The following GRK5 variants were observed in gnomAD, a reference collection of about 807,000 sequenced individuals.
GRK5 encodes g protein-coupled receptor kinase GRK5.
A neutral mutation model predicts 78.4 loss-of-function variants in GRK5; 40 were observed. The observed-to-expected ratio is 0.51, with a 90% CI of 0.40 to 0.66. GRK5 has a LOEUF of 0.66. Ranked by LOEUF, GRK5 falls within the 30% of genes least tolerant of loss-of-function variation. GRK5 has a pLI of 0.00. For missense variants in GRK5, 598 were observed against 759.9 expected (o/e 0.79, Z 2.50); for synonymous variants, 289 against 296.8 (o/e 0.97, Z 0.27).
At chr10:119,397,476 G>A (rs10886474) in intron 4 of GRK5, among the ~76,000 whole-genome samples, 123,746 of 152,144 alleles carry the variant, frequency 0.81, 50,604 homozygotes, top group South Asian at 0.86. Flanking sequence ...TTTCTTAAAA[G>A]TGGCCTTCCT....
intron 1 of GRK5, among the ~76,000 whole-genome samples, chr10:119,232,875 A>T (rs528021510): frequency 6.6e-6 from 1 of 152,260 alleles, no homozygotes; most frequent in Admixed American, 6.5e-5. Context: ...GAGATGACAG[A>T]TATGCTAATT....
At chr10:119,432,789 G>A (rs1198033237) in intron 8 of GRK5, among the ~76,000 whole-genome samples, 1 of 152,244 alleles carries the variant, frequency 6.6e-6, no homozygotes, top group East Asian at 1.9e-4. Context: ...ACCACTACAG[G>A]GCCGGGCACG....
intron 1 of GRK5, among the ~76,000 whole-genome samples, chr10:119,223,359 T>C (rs1036023139): frequency 2.0e-5 from 3 of 152,198 alleles, no homozygotes; most frequent in Admixed American, 2.0e-4. Flanking sequence ...GACTTCAACA[T>C]AATCTTCTTT....
At chr10:119,216,416 C>T (rs779468377) in intron 1 of GRK5, among the ~76,000 whole-genome samples, 37 of 152,346 alleles carry the variant, frequency 2.4e-4, no homozygotes, top group Non-Finnish European at 4.4e-4. Flanking sequence ...ACTGGTGCCT[C>T]GGCTTCCCTG....
chr10:119,250,517 A>T (rs1002290032), intron 1 of GRK5, among the ~76,000 whole-genome samples: 126 of 136,040 alleles, frequency 9.3e-4, no homozygotes, highest in African/African-American at 2.9e-3. Context: ...CCTCATTTAA[A>T]TTTTTTTTTT....
intron 1 of GRK5, among the ~76,000 whole-genome samples, chr10:119,279,634 G>A (rs1482886265): frequency 2.0e-5 from 3 of 152,244 alleles, no homozygotes; most frequent in Non-Finnish European, 2.9e-5. Context: ...GGAGTGAGTG[G>A]CGGTGGCCTG....
chr10:119,384,003 C>T (rs553942016), intron 3 of GRK5, among the ~76,000 whole-genome samples: 9 of 152,264 alleles, frequency 5.9e-5, no homozygotes, highest in African/African-American at 1.2e-4. Flanking sequence ...GTCCAGGTTC[C>T]GAGGCTGACT....
intron 1 of GRK5, among the ~76,000 whole-genome samples, chr10:119,304,509 C>G (rs928437132): frequency 6.6e-6 from 1 of 152,042 alleles, no homozygotes; most frequent in African/African-American, 2.4e-5. Flanking sequence ...TGTGCATTTC[C>G]CCGTCATTCC....
chr10:119,221,737 A>C (rs1319904758), intron 1 of GRK5, among the ~76,000 whole-genome samples: 1 of 152,144 alleles, frequency 6.6e-6, no homozygotes, highest in Non-Finnish European at 1.5e-5. Context: ...CTTTGGGAAG[A>C]ATCATAATAA....
At chr10:119,296,087 G>A (rs1023595452) in intron 1 of GRK5, among the ~76,000 whole-genome samples, 3 of 152,178 alleles carry the variant, frequency 2.0e-5, no homozygotes, top group Non-Finnish European at 4.4e-5. Flanking sequence ...GCCCCAGGAC[G>A]AGCTTGGCAG....
At chr10:119,366,216 C>T (rs373179967) in intron 2 of GRK5, among the ~76,000 whole-genome samples, 18 of 152,306 alleles carry the variant, frequency 1.2e-4, no homozygotes, top group Admixed American at 6.5e-4. Context: ...TAAGGAGCAA[C>T]GGATTTGTTT....
intron 1 of GRK5, among the ~76,000 whole-genome samples, chr10:119,313,052 AATGATGATGGTGG>A (rs1850402081): frequency 6.3e-5 from 1 of 15,906 alleles, no homozygotes; most frequent in Non-Finnish European, 1.4e-4. Context: ...TGGTGGTGGT[AATGATGATGGTGG>A]TGGTGATGGT....
chr10:119,247,745 C>G (rs192504740), intron 1 of GRK5, among the ~76,000 whole-genome samples: 50 of 152,312 alleles, frequency 3.3e-4, no homozygotes, highest in Admixed American at 2.7e-3. Context: ...GGAAACTGCT[C>G]AGAGAGCTCA....
In GRK5 at chr10:119,459,702, CTGT is replaced by C. The variant is rs771916449; in HGVS notation, c.*4643_*4645del. 8.5e-5 allele frequency: 13 copies of C among 152,310 alleles called. No individual in the cohort carries two copies. Among genetic ancestry groups the C allele is most frequent in the South Asian group, 4.2e-4 (2 of 4,818 alleles). The allele number at this position is 152,310 out of a possible 1,614,324, so 9.4% of individuals were successfully genotyped here. A position where few individuals can be genotyped will look rare whatever the true frequency, so the allele number is the denominator to read the frequency against. The stretch of plus-strand genomic sequence containing the variant: ...GTGCCGCTGGATCTAGATGGAGCCA[CTGT>C]TGTTGTTTTTAAAAGAGAAATAAAT... On this transcript the variant is annotated 3_prime_UTR_variant, in exon 16 of 16. Coordinates refer to ENST00000392870, the MANE Select transcript of GRK5 (RefSeq NM_005308.3).
chr10:119,221,589 G>A (rs1387050041), intron 1 of GRK5, among the ~76,000 whole-genome samples: 2 of 152,166 alleles, frequency 1.3e-5, no homozygotes, highest in East Asian at 1.9e-4. Flanking sequence ...CCCCTAGAAT[G>A]AGCCATTTAA....
chr10:119,236,682 C>T (rs1337251520), intron 1 of GRK5, among the ~76,000 whole-genome samples: 1 of 152,056 alleles, frequency 6.6e-6, no homozygotes, highest in African/African-American at 2.4e-5. Context: ...CTCTGTTGCT[C>T]AGGCTGGAGT....
intron 8 of GRK5, among the ~76,000 whole-genome samples, chr10:119,433,246 C>G (rs1337668822): frequency 6.6e-6 from 1 of 152,128 alleles, no homozygotes; most frequent in Non-Finnish European, 1.5e-5. Flanking sequence ...TAACTTCAGC[C>G]ATCATTTCAG....
intron 1 of GRK5, among the ~76,000 whole-genome samples, chr10:119,220,128 C>A (rs1185208435): frequency 1.3e-5 from 2 of 152,202 alleles, no homozygotes; most frequent in Non-Finnish European, 2.9e-5. Context: ...ACAGTCAATT[C>A]TGTAATCCTC....
intron 8 of GRK5, among the ~76,000 whole-genome samples, chr10:119,432,149 T>C (rs1852833477): frequency 6.6e-6 from 1 of 152,220 alleles, no homozygotes; most frequent in Admixed American, 6.5e-5. Flanking sequence ...CTGCCTCTAC[T>C]GGACAGATGT....
Sources: gnomAD v4.1 joint callset for allele counts (sites outside exome capture counted in the v4.1 genomes callset) on GRCh38, gnomAD v4.1.1 for gene constraint, MANE v1.5 for transcripts, NCBI Gene and HGNC (gene_info 2026-07-23, HGNC 2026-07-21) for gene names.